The following NBPF12 variants were observed in gnomAD, a reference collection of about 807,000 sequenced individuals.
The protein encoded by NBPF12 is NBPF member 12.
A neutral mutation model predicts 146.4 loss-of-function variants in NBPF12; 115 were observed. The observed-to-expected ratio is 0.79, with a 90% CI of 0.68 to 0.92. The LOEUF is 0.92. Ranked by LOEUF, NBPF12 falls within the 40% of genes least tolerant of loss-of-function variation. NBPF12 has a pLI of 0.00. For missense variants in NBPF12, 1,205 were observed against 1,326.8 expected, an observed-to-expected ratio of 0.91 and a Z score of 1.43; for synonymous variants, 385 against 508.9, an observed-to-expected ratio of 0.76 and a Z score of 3.28.
intron 1 of NBPF12, among the ~76,000 whole-genome samples, chr1:146,942,391 T>A (rs1654846953): frequency 6.6e-6 from 1 of 151,764 alleles, no homozygotes. Flanking sequence ...GTTATTATTT[T>A]TTTTGTATGT....
At chr1:146,975,158 A>G (rs1188166537) in intron 15 of NBPF12, among the ~76,000 whole-genome samples, 1 of 131,714 alleles carries the variant, frequency 7.6e-6, no homozygotes, top group Admixed American at 8.3e-5. Context: ...GTGTGCCATC[A>G]CCATCCCACT....
In NBPF12 at chr1:146,964,774, C is replaced by A. The variant is rs2101855271; in HGVS notation, c.567-119C>A. The stretch of plus-strand genomic sequence containing the variant: ...GCCTGTTCCCTCTTTAAGGGAACCT[C>A]CATTTTGCTTTCTGGGACCACTCTC... On this transcript the variant is annotated intron_variant, in intron 7 of 33. Transcript: ENST00000617844. 5.2e-6 allele frequency: 8 copies of A among 1,528,812 alleles called. No individual in the cohort carries two copies. The East Asian group carries it at 1.1e-4, about 22-fold the overall frequency. The allele number at this position is 1,528,812 out of a possible 1,614,324, so 94.7% of individuals were successfully genotyped here.
At chr1:146,972,514 A>G (rs1238141617) in intron 13 of NBPF12, among the ~76,000 whole-genome samples, 3 of 151,686 alleles carry the variant, frequency 2.0e-5, no homozygotes, top group Non-Finnish European at 2.9e-5. Context: ...CTTGCTTTAT[A>G]GAAACTTATA....
intron 19 of NBPF12, among the ~76,000 whole-genome samples, chr1:146,980,194 G>A (rs1657281221): frequency 6.6e-6 from 1 of 151,816 alleles, no homozygotes; most frequent in South Asian, 2.1e-4. Flanking sequence ...CCTTTATTTT[G>A]AGCCTATGTG....
Position 146,982,777 on chromosome 1 carries a change from TAGA to T in NBPF12, c.2451-148_2451-146del, listed in dbSNP as rs1208299590. The T allele has an allele frequency of 6.3e-6, 8 of 1,274,702 alleles. No homozygotes were observed. The Admixed American group carries it at 1.2e-4, about 19-fold the overall frequency. The allele number at this position is 1,274,702 out of a possible 1,614,324, so 79.0% of individuals were successfully genotyped here. On this transcript the variant is annotated intron_variant, in intron 19 of 33. Transcript: ENST00000617844. ...GAGCAGTCACCCTCCACCCTGTATT[TAGA>T]AGGATAGTTTTATTTCTCTTAAAGG...
chr1:146,948,921 C>T (rs1655197541), upstream of NBPF12, among the ~76,000 whole-genome samples: 1 of 151,272 alleles, frequency 6.6e-6, no homozygotes, highest in African/African-American at 2.4e-5. Flanking sequence ...ATGCTGGCAG[C>T]AATACTGCTC....
chr1:146,950,014 A>G (rs1347765671), intron 1 of NBPF12, among the ~76,000 whole-genome samples: 11 of 152,070 alleles, frequency 7.2e-5, no homozygotes, highest in Admixed American at 6.5e-4. Flanking sequence ...CTGGCATATA[A>G]CAACATAGTC....
At chr1:146,967,841 C>T (rs1656304930) in intron 9 of NBPF12, among the ~76,000 whole-genome samples, 2 of 150,402 alleles carry the variant, frequency 1.3e-5, no homozygotes, top group Non-Finnish European at 2.9e-5. Context: ...ACTATTAGTT[C>T]TTCATTCTGT....
chr1:146,971,671 T>C (rs1353444604), intron 13 of NBPF12, among the ~76,000 whole-genome samples: 1 of 150,266 alleles, frequency 6.7e-6, no homozygotes, highest in Non-Finnish European at 1.5e-5. Flanking sequence ...GTGCCTATAG[T>C]CCCAACTGCT....
chr1:146,971,185 A>T (rs1180128068), exon 13 of NBPF12: 13 of 1,611,304 alleles, frequency 8.1e-6, no homozygotes, highest in South Asian at 1.1e-5. Context: ...CTCATCAGGG[A>T]GATGCAGAAG....
At chr1:146,941,863 TG>T (rs1654823970) in intron 1 of NBPF12, among the ~76,000 whole-genome samples, 1 of 149,760 alleles carries the variant, frequency 6.7e-6, no homozygotes, top group Non-Finnish European at 1.5e-5. Context: ...TTTTAGTTTT[TG>T]CATTTTTTTT....
intron 1 of NBPF12, among the ~76,000 whole-genome samples, chr1:146,940,847 C>A (rs1241104559): frequency 1.3e-4 from 20 of 151,756 alleles, no homozygotes; most frequent in Non-Finnish European, 2.2e-4. Flanking sequence ...GTTTCAACTT[C>A]CATTTTCCTG....
At chr1:146,981,183 T>G (rs1431792130) in intron 19 of NBPF12, among the ~76,000 whole-genome samples, 1 of 134,280 alleles carries the variant, frequency 7.4e-6, no homozygotes, top group Non-Finnish European at 1.6e-5. Flanking sequence ...TAATGTTAAA[T>G]GATGAGTTAA....
At chr1:146,984,765 G>C (rs1437329596) in intron 21 of NBPF12, 48 bp from the exon 25 acceptor site, 2 of 867,668 alleles carry the variant, frequency 2.3e-6, no homozygotes, top group South Asian at 1.3e-5. Flanking sequence ...GGGCTGTGTG[G>C]TTTCTGATTC....
chr1:146,962,681 T>C (rs1655934358), intron 5 of NBPF12, among the ~76,000 whole-genome samples: 1 of 150,192 alleles, frequency 6.7e-6, no homozygotes, highest in African/African-American at 2.5e-5. Flanking sequence ...CTTTTCTTCT[T>C]TCATCTTTTC....
At chr1:146,994,258 C>T in intron 33 of NBPF12, 74 bp from the exon 37 acceptor site, 1 of 1,610,426 alleles carries the variant, frequency 6.2e-7, no homozygotes, top group Non-Finnish European at 8.5e-7. Flanking sequence ...CCTTATGTTA[C>T]TTCTGAAATC....
chr1:146,994,524 G>T (rs782480905), exon 34 of NBPF12: 9 of 1,609,426 alleles, frequency 5.6e-6, no homozygotes, highest in African/African-American at 5.4e-5. Flanking sequence ...TTACTTTGAC[G>T]GTGACAAGTC....
chr1:146,947,975 A>G (rs1419496646), upstream of NBPF12, among the ~76,000 whole-genome samples: 4 of 152,082 alleles, frequency 2.6e-5, no homozygotes, highest in African/African-American at 9.7e-5. Flanking sequence ...TCACATAATA[A>G]TATTTGGAGT....
At chr1:146,962,061 GT>G (rs1655884391) in intron 4 of NBPF12, 99 bp from the exon 8 acceptor site, 1 of 1,035,090 alleles carries the variant, frequency 9.7e-7, no homozygotes, top group Non-Finnish European at 1.5e-6. Context: ...ACTGGGGAGA[GT>G]TTTGTCCTTG....
Sources: allele counts gnomAD v4.1 joint callset (sites outside exome capture counted in the v4.1 genomes callset), GRCh38; gene constraint gnomAD v4.1.1; transcripts MANE v1.5; gene names NCBI Gene and HGNC (gene_info 2026-07-23, HGNC 2026-07-21).